QSER1: variants seen among roughly 807,000 people sequenced by gnomAD.
The protein encoded by QSER1 is glutamine and serine rich 1.
Under a neutral mutation model 158.5 loss-of-function variants are expected in QSER1, and 49 were observed. The ratio of observed to expected loss-of-function variants is 0.31; its 90% CI spans 0.25 to 0.39. The LOEUF is 0.39. Ranked by LOEUF, QSER1 falls within the 10% of genes least tolerant of loss-of-function variation. The pLI, the probability that QSER1 is intolerant of heterozygous loss-of-function variation, is 1.00. For synonymous variants in QSER1, 650 were observed against 715.5 expected (o/e 0.91, Z 1.46); for missense variants, 1,754 against 2,010.3 (o/e 0.87, Z 2.44).
intron 12 of QSER1, chr11:32,975,740 C>T: frequency 1.3e-6 from 1 of 787,604 alleles, no homozygotes; most frequent in South Asian, 3.0e-5. Context: ...CACTTAATTG[C>T]AGAGAAGTGG....
intron 1 of QSER1, among the ~76,000 whole-genome samples, chr11:32,905,211 G>A (rs557344722): frequency 1.3e-5 from 2 of 152,276 alleles, no homozygotes; most frequent in African/African-American, 4.8e-5. Context: ...TCTCATTACT[G>A]TGTGATCACT....
intron 1 of QSER1, among the ~76,000 whole-genome samples, chr11:32,911,874 C>T (rs955509608): frequency 3.3e-5 from 5 of 152,138 alleles, no homozygotes; most frequent in African/African-American, 1.2e-4. Context: ...AGTATTGTTA[C>T]TCATTTATTT....
At position 32,934,401 on chromosome 11, in the gene QSER1, C is replaced by A; in HGVS notation, c.3143C>A (p.Thr1048Asn). The change falls in exon 4 of 13, where the codon ACT becomes AAT. Residue 1048 changes from threonine to asparagine, a missense_variant. Around this residue, in one of 2 missense-constraint regions of QSER1, gnomAD observed 1,707 missense variants for 1,919.6 expected, o/e 0.89. Transcript: ENST00000650167. ...GGAAAGCCACAGAATATAAATGATACTTCCTTAAATGGAAATCAGGTTACT... is the reference window on the plus strand; with the variant it reads ...GGAAAGCCACAGAATATAAATGATAATTCCTTAAATGGAAATCAGGTTACT... ...TVGKPQNIND[T>N]SLNGNQVTVN... 1 of 1,613,760 alleles carries A rather than the reference C, an allele frequency of 6.2e-7. No individual in the cohort carries two copies. Among genetic ancestry groups the A allele is most frequent in the Non-Finnish European group, 8.5e-7 (1 of 1,179,932 alleles).
In QSER1 at chr11:32,978,242, TA is replaced by T. The variant is rs1473233013; in HGVS notation, c.*1769del. 6.6e-6 allele frequency: 1 copy of T among 152,548 alleles called. No homozygotes were observed. Among genetic ancestry groups the T allele is most frequent in the African/African-American group, 2.4e-5 (1 of 41,460 alleles). 9.4% of individuals were successfully genotyped at this position (152,548 alleles called of 1,614,324 possible). A position where few individuals can be genotyped will look rare whatever the true frequency, so the allele number is the denominator to read the frequency against. On this transcript the variant is annotated 3_prime_UTR_variant, in exon 13 of 13. Coordinates refer to ENST00000650167, the MANE Select transcript of QSER1 (RefSeq NM_001076786.3). ...TATTTTGAAAACAAAAGTAACCTAT[TA>T]GATTCATTTTGCCTAACTCATATGA...
At chr11:32,899,019 C>T (rs56713904) in intron 1 of QSER1, among the ~76,000 whole-genome samples, 1 of 152,196 alleles carries the variant, frequency 6.6e-6, no homozygotes, top group East Asian at 1.9e-4. Context: ...TTTCAACCCT[C>T]ACTCCTTGTT....
chr11:32,898,427 C>T (rs990242212), intron 1 of QSER1, among the ~76,000 whole-genome samples: 24 of 150,684 alleles, frequency 1.6e-4, no homozygotes, highest in African/African-American at 4.9e-4. Context: ...TGGAGGTTGC[C>T]GTGAGCTGTG....
At chr11:32,953,174 TAC>T (rs1852452791) in intron 4 of QSER1, among the ~76,000 whole-genome samples, 1 of 152,002 alleles carries the variant, frequency 6.6e-6, no homozygotes, top group African/African-American at 2.4e-5. Context: ...TTTGTTGGCA[TAC>T]AGTTTTTCAT....
At chr11:32,952,111 A>AT in intron 4 of QSER1, among the ~76,000 whole-genome samples, 1 of 152,254 alleles carries the variant, frequency 6.6e-6, no homozygotes, top group Non-Finnish European at 1.5e-5. Context: ...AAGTGCTGGG[A>AT]TTACAGGCGT....
chr11:32,948,130 C>T (rs1420089501), intron 4 of QSER1, among the ~76,000 whole-genome samples: 2 of 152,136 alleles, frequency 1.3e-5, no homozygotes, highest in African/African-American at 4.8e-5. Context: ...ACTCACCCTT[C>T]CAAATAACTC....
At chr11:32,931,104 T>G (rs745663080) in intron 3 of QSER1, among the ~76,000 whole-genome samples, 1 of 152,282 alleles carries the variant, frequency 6.6e-6, no homozygotes, top group East Asian at 1.9e-4. Flanking sequence ...TTTAATGTTA[T>G]GTACATTTTG....
chr11:32,943,957 G>C (rs1852285505), intron 4 of QSER1, among the ~76,000 whole-genome samples: 1 of 150,490 alleles, frequency 6.6e-6, no homozygotes, highest in Admixed American at 6.6e-5. Context: ...TCCTGGTTTA[G>C]TCTTGGGAGA....
At position 32,909,442 on chromosome 11, in the gene QSER1, AT is replaced by A. The variant is rs550466678; in HGVS notation, c.209+16122del. On this transcript the variant is annotated intron_variant, in intron 1 of 12. Coordinates refer to ENST00000650167, the MANE Select transcript of QSER1 (RefSeq NM_001076786.3). ...AGCCAAGTTCATTAAACTCTAGATC[AT>A]TTTTTTTTTTTTTGAGTCAGAGTTT... Among the ~76,000 whole-genome samples the A allele has an allele frequency of 8.7e-3, 1,227 of 140,314 alleles. 8 individuals carry two copies. Among genetic ancestry groups the A allele is most frequent in the African/African-American group, 0.023 (882 of 38,480 alleles). The allele number at this position is 140,314 out of a possible 152,430, so 92.1% of individuals were successfully genotyped here.
intron 1 of QSER1, among the ~76,000 whole-genome samples, chr11:32,921,596 T>C (rs556410840): frequency 2.0e-5 from 3 of 152,314 alleles, no homozygotes; most frequent in South Asian, 4.1e-4. Context: ...GTAAGAATTA[T>C]ACACTAAACA....
Position 32,953,881 on chromosome 11 carries a change from G to C in QSER1, c.4202G>C (p.Ser1401Thr), listed in dbSNP as rs765186494. The C allele has an allele frequency of 6.2e-6, 10 of 1,613,302 alleles. No homozygotes were observed. In the African/African-American group the frequency reaches 9.3e-5, roughly 15 times the overall value. Residue 1401 changes from serine (S) to threonine (T), a missense_variant, in exon 5 of 13, where the codon AGC becomes ACC. Coordinates refer to ENST00000650167, the MANE Select transcript of QSER1 (RefSeq NM_001076786.3). The stretch of plus-strand genomic sequence containing the variant: ...GAAGCCCTACAGGTGGCAACTACTA[G>C]CCCAACTGCCAATACTACTGGTACT... ...KTEALQVATT[S>T]PTANTTGTAT...
chr11:32,971,016 G>A (rs1340494784), intron 10 of QSER1, among the ~76,000 whole-genome samples: 4 of 131,770 alleles, frequency 3.0e-5, no homozygotes, highest in East Asian at 2.6e-4. Context: ...GCAGTGGCGC[G>A]ATCTCCGCCC....
intron 4 of QSER1, among the ~76,000 whole-genome samples, chr11:32,950,912 A>G (rs1652639191): frequency 6.6e-6 from 1 of 152,216 alleles, no homozygotes; most frequent in South Asian, 2.1e-4. Context: ...TCAGTTATCC[A>G]TTGATAGAGT....
chr11:32,939,367 A>G (rs1336296654), intron 4 of QSER1, among the ~76,000 whole-genome samples: 1 of 152,172 alleles, frequency 6.6e-6, no homozygotes, highest in Non-Finnish European at 1.5e-5. Context: ...TAATACCACC[A>G]TCAGTTTTCT....
intron 1 of QSER1, among the ~76,000 whole-genome samples, chr11:32,918,617 C>T (rs938345021): frequency 2.7e-5 from 4 of 150,438 alleles, no homozygotes; most frequent in East Asian, 1.9e-4. Flanking sequence ...GGTGGGAAGC[C>T]GTTGGAAAGT....
chr11:32,970,016 G>C (rs539317182), intron 10 of QSER1, among the ~76,000 whole-genome samples: 54 of 152,270 alleles, frequency 3.5e-4, no homozygotes, highest in African/African-American at 1.3e-3. Flanking sequence ...GAAAAGGCAT[G>C]CAAATTTATT....
Sources: allele counts gnomAD v4.1 joint callset (sites outside exome capture counted in the v4.1 genomes callset), GRCh38; gene constraint gnomAD v4.1.1; regional missense constraint gnomAD v4.1.1; transcripts MANE v1.5; gene names NCBI Gene and HGNC (gene_info 2026-07-23, HGNC 2026-07-21).